Variants in STAT5B observed in about 807,000 individuals in gnomAD.
STAT5B encodes the protein signal transducer and activator of transcription 5B.
In STAT5B, 21 loss-of-function variants were observed where a neutral mutation model predicts 107.8. That is an observed-to-expected ratio of 0.19 (90% CI 0.14 to 0.28). STAT5B has a LOEUF of 0.28. Among genes scored for constraint, STAT5B ranks in the 10% least tolerant of loss-of-function variants. The pLI, the probability that STAT5B is intolerant of heterozygous loss-of-function variation, is 1.00. For synonymous variants in STAT5B, 325 were observed against 401.7 expected (o/e 0.81, Z 2.28); for missense variants, 565 against 1,008.2 (o/e 0.56, Z 5.95).
the STAT5B span, among the ~76,000 whole-genome samples, chr17:42,281,863 G>A: frequency 6.6e-6 from 1 of 152,244 alleles, no homozygotes; most frequent in Non-Finnish European, 1.5e-5. Context: ...TCCAGGGAGG[G>A]TGGGGCGGAC....
intron 1 of STAT5B, among the ~76,000 whole-genome samples, chr17:42,263,228 C>A (rs752354021): frequency 2.1e-4 from 32 of 150,096 alleles, no homozygotes; most frequent in Non-Finnish European, 3.8e-4. Context: ...ATACAGGCTA[C>A]CACGAAGCAC....
At chr17:42,284,542 C>T in the STAT5B span, among the ~76,000 whole-genome samples, 160 of 152,352 alleles carry the variant, frequency 1.1e-3, no homozygotes, top group African/African-American at 3.8e-3. Context: ...GCTGGGACTA[C>T]AGGCGTGAGC....
intron 3 of STAT5B, among the ~76,000 whole-genome samples, chr17:42,226,277 T>A (rs2080271593): frequency 6.6e-6 from 1 of 151,914 alleles, no homozygotes; most frequent in African/African-American, 2.4e-5. Context: ...AAAGACAAAG[T>A]AAGGTTGCAA....
intron 1 of STAT5B, among the ~76,000 whole-genome samples, chr17:42,264,097 C>T (rs993594170): frequency 6.6e-6 from 1 of 152,034 alleles, no homozygotes; most frequent in Non-Finnish European, 1.5e-5. Flanking sequence ...GACAGCTATA[C>T]ACAGGTGTAA....
At chr17:42,209,230 A>G (rs918438786) in intron 15 of STAT5B, among the ~76,000 whole-genome samples, 1 of 149,646 alleles carries the variant, frequency 6.7e-6, no homozygotes, top group Admixed American at 6.7e-5. Context: ...TTATTTATTT[A>G]TTTACTTAGA....
intron 15 of STAT5B, among the ~76,000 whole-genome samples, 193 bp from the exon 16 acceptor site, chr17:42,207,921 A>T (rs1237263534): frequency 6.6e-6 from 1 of 152,184 alleles, no homozygotes. Context: ...TTTGAGACGG[A>T]GTCTCACTCT....
At chr17:42,273,584 T>A (rs1352080501) in intron 1 of STAT5B, among the ~76,000 whole-genome samples, 1 of 152,216 alleles carries the variant, frequency 6.6e-6, no homozygotes, top group African/African-American at 2.4e-5. Context: ...AGATAGAATG[T>A]CCAGAAATCT....
At chr17:42,223,084 G>C (rs778171691) in intron 5 of STAT5B, among the ~76,000 whole-genome samples, 2 of 152,178 alleles carry the variant, frequency 1.3e-5, no homozygotes, top group Admixed American at 6.5e-5. Context: ...TTGTTTGCTA[G>C]TATTTATTTA....
intron 18 of STAT5B, 193 bp downstream of exon 18, chr17:42,202,147 C>T (rs2080049817): frequency 1.4e-6 from 1 of 697,446 alleles, no homozygotes; most frequent in Non-Finnish European, 2.5e-6. Flanking sequence ...ATGACATTTG[C>T]CCAACCCGAC....
chr17:42,225,003 A>T (rs1209501511), intron 3 of STAT5B, 135 bp from the exon 4 acceptor site: 6 of 807,270 alleles, frequency 7.4e-6, no homozygotes, highest in South Asian at 2.9e-5. Flanking sequence ...CAACAGGAAC[A>T]AGAAGGCACA....
chr17:42,262,906 GTGTA>G (rs2080620360), intron 1 of STAT5B, among the ~76,000 whole-genome samples: 2 of 109,220 alleles, frequency 1.8e-5, no homozygotes, highest in African/African-American at 6.7e-5. Context: ...GTATATATAT[GTGTA>G]TATATATGTG....
chr17:42,239,158 G>A (rs2080381643), intron 1 of STAT5B, among the ~76,000 whole-genome samples: 1 of 145,046 alleles, frequency 6.9e-6, no homozygotes, highest in Admixed American at 7.2e-5. Flanking sequence ...TGAGGCAGAA[G>A]AATCGCTTGA....
At chr17:42,210,939 G>A (rs1271030543) in intron 13 of STAT5B, among the ~76,000 whole-genome samples, 1 of 152,176 alleles carries the variant, frequency 6.6e-6, no homozygotes, top group African/African-American at 2.4e-5. Flanking sequence ...GGTGGCTCAC[G>A]TCTGTAATCC....
chr17:42,262,077 T>C (rs138777625), intron 1 of STAT5B, among the ~76,000 whole-genome samples: 75 of 152,354 alleles, frequency 4.9e-4, no homozygotes, highest in African/African-American at 1.8e-3. Context: ...ATTTTTAAGG[T>C]TGTAATTTTA....
At chr17:42,254,637 C>A (rs544568457) in intron 1 of STAT5B, among the ~76,000 whole-genome samples, 1 of 151,746 alleles carries the variant, frequency 6.6e-6, no homozygotes, top group East Asian at 1.9e-4. Context: ...ATATTTGGAC[C>A]CCTAGGGTCA....
chr17:42,242,256 G>A (rs1014880031), intron 1 of STAT5B, among the ~76,000 whole-genome samples: 1 of 152,094 alleles, frequency 6.6e-6, no homozygotes, highest in African/African-American at 2.4e-5. Context: ...TCTAAATATA[G>A]GATATAAAGT....
intron 13 of STAT5B, among the ~76,000 whole-genome samples, chr17:42,211,604 G>A (rs2080130433): frequency 6.6e-6 from 1 of 152,176 alleles, no homozygotes; most frequent in African/African-American, 2.4e-5. Context: ...TTTGTGGGTT[G>A]AGGGTCCCAT....
At chr17:42,216,516 G>A (rs113656856) in intron 11 of STAT5B, among the ~76,000 whole-genome samples, 39 of 152,112 alleles carry the variant, frequency 2.6e-4, no homozygotes, top group African/African-American at 8.9e-4. Flanking sequence ...GTTCATTATT[G>A]TTTGTTCATG....
intron 1 of STAT5B, among the ~76,000 whole-genome samples, chr17:42,266,539 C>CA (rs1278815972): frequency 1.5e-4 from 22 of 143,060 alleles, no homozygotes; most frequent in East Asian, 6.1e-4. Context: ...GACACTGTCT[C>CA]AAAAAATAAA....
Sources: allele counts gnomAD v4.1 joint callset (sites outside exome capture counted in the v4.1 genomes callset), GRCh38; gene constraint gnomAD v4.1.1; transcripts MANE v1.5; gene names NCBI Gene and HGNC (gene_info 2026-07-23, HGNC 2026-07-21).